The following EDNRA variants were observed in gnomAD, a reference collection of about 807,000 sequenced individuals.
EDNRA encodes endothelin-1 receptor.
A neutral mutation model predicts 41.4 loss-of-function variants in EDNRA; 11 were observed. The ratio of observed to expected loss-of-function variants is 0.27; its 90% CI spans 0.17 to 0.44. The LOEUF (loss-of-function observed/expected upper bound fraction) is 0.44, where lower values mean the gene tolerates loss of function less well. EDNRA is among the 20% of genes least tolerant of loss of function. EDNRA has a pLI of 1.00. For synonymous variants in EDNRA, 172 were observed against 183.0 expected (o/e 0.94, Z 0.49); for missense variants, 294 against 531.0 (o/e 0.55, Z 4.39).
At chr4:147,539,338 A>G (rs1731020926) in intron 5 of EDNRA, among the ~76,000 whole-genome samples, 1 of 151,932 alleles carries the variant, frequency 6.6e-6, no homozygotes, top group South Asian at 2.1e-4. Flanking sequence ...TGATTTGTCC[A>G]TGCAATATCA....
intron 2 of EDNRA, among the ~76,000 whole-genome samples, chr4:147,507,050 T>C (rs1420070063): frequency 6.6e-6 from 1 of 152,200 alleles, no homozygotes; most frequent in African/African-American, 2.4e-5. Flanking sequence ...GCTTTTAGCA[T>C]GTAAAATTAG....
intron 5 of EDNRA, 72 bp from the exon 6 acceptor site, chr4:147,539,745 G>A (rs1009297454): frequency 1.3e-6 from 2 of 1,508,048 alleles, no homozygotes; most frequent in Non-Finnish European, 1.8e-6. Flanking sequence ...GCTACTTCTT[G>A]GTACTGTAGT....
At chr4:147,511,912 A>G (rs1729941384) in intron 2 of EDNRA, among the ~76,000 whole-genome samples, 1 of 152,192 alleles carries the variant, frequency 6.6e-6, no homozygotes, top group Non-Finnish European at 1.5e-5. Context: ...CTGTGCTTGT[A>G]TGTTTTTATG....
intron 5 of EDNRA, among the ~76,000 whole-genome samples, chr4:147,536,307 G>A (rs10305919): frequency 0.34 from 51,621 of 151,868 alleles, 10,428 homozygotes; most frequent in African/African-American, 0.57. Flanking sequence ...GTGAGTTCGT[G>A]CATTCAATTG....
In EDNRA at chr4:147,523,484, T is replaced by TTG. The variant is rs1560910724; in HGVS notation, c.548+3507_548+3508insGT. Among the ~76,000 whole-genome samples, 7 of 116,992 alleles carry TTG rather than the reference T, an allele frequency of 6.0e-5. 1 individual carries two copies. Among genetic ancestry groups the TTG allele is most frequent in the African/African-American group, 1.4e-4 (3 of 21,156 alleles). The allele number at this position is 116,992 out of a possible 152,430, so 76.8% of individuals were successfully genotyped here. A position where few individuals can be genotyped will look rare whatever the true frequency, so the allele number is the denominator to read the frequency against. On this transcript the variant is annotated intron_variant, in intron 3 of 7. Transcript: ENST00000651419. ...TTGTTTTTTTTTGTTGTTGTTGTTTTTTTGTTTTTTTTGTTTTTTTTTTTG... is the reference window on the plus strand; with the variant it reads ...TTGTTTTTTTTTGTTGTTGTTGTTTTTGTTTGTTTTTTTTGTTTTTTTTTTTG...
At chr4:147,526,273 C>T (rs980943626) in intron 3 of EDNRA, among the ~76,000 whole-genome samples, 10 of 152,228 alleles carry the variant, frequency 6.6e-5, no homozygotes, top group African/African-American at 2.4e-4. Context: ...AGAACAACAA[C>T]CGTTTTATCA....
In EDNRA at chr4:147,542,640, G is replaced by A. The variant is rs1173321145; in HGVS notation, c.*22G>A. 2 of 1,612,048 alleles carry A rather than the reference G, an allele frequency of 1.2e-6. No homozygotes were observed. Among genetic ancestry groups the A allele is most frequent in the African/African-American group, 1.3e-5 (1 of 74,832 alleles). ...CTGACCACCCTTAGAAGCACTCCTC[G>A]GTACTCCCATAATCCTCTCGGAGAA... On this transcript the variant is annotated 3_prime_UTR_variant, in exon 8 of 8. Transcript: ENST00000651419.
Position 147,544,182 on chromosome 4 carries a change from G to A in EDNRA, c.*1564G>A, listed in dbSNP as rs184899836. Reference sequence around the variant, plus strand: ...TAAAATCTAGGTGATTGTTCATCATGACAACCTGCCTCAGTCCATTTTAAC... The same window carrying A: ...TAAAATCTAGGTGATTGTTCATCATAACAACCTGCCTCAGTCCATTTTAAC... On this transcript the variant is annotated 3_prime_UTR_variant, in exon 8 of 8. Coordinates refer to ENST00000651419, the MANE Select transcript of EDNRA (RefSeq NM_001957.4). 358 of 152,726 alleles carry A rather than the reference G, an allele frequency of 2.3e-3. 7 individuals carry two copies. Among genetic ancestry groups the A allele is most frequent in the Non-Finnish European group, 8.8e-4 (60 of 68,016 alleles). 9.5% of individuals were successfully genotyped at this position (152,726 alleles called of 1,614,324 possible).
At chr4:147,536,149 G>T in intron 5 of EDNRA, 120 bp downstream of exon 5, 1 of 1,200,304 alleles carries the variant, frequency 8.3e-7, no homozygotes. Flanking sequence ...ATACTATCCT[G>T]TAACTGTTTT....
chr4:147,508,331 G>T (rs139452637), intron 2 of EDNRA, among the ~76,000 whole-genome samples: 18,147 of 152,022 alleles, frequency 0.12, 1,119 homozygotes, highest in South Asian at 0.25. Flanking sequence ...TAGAAACGGG[G>T]TTTCGCCATG....
rs148596809 is a variant in EDNRA, at chr4:147,505,627, C to A, written c.421-14224C>A. ...ATAGTGCTGTGATTACAGGCGTAAG[C>A]CACCCTGCCCCGCCGGCAGTTTTTT... On this transcript the variant is annotated intron_variant, in intron 2 of 7. Coordinates refer to ENST00000651419, the MANE Select transcript of EDNRA (RefSeq NM_001957.4). Among the ~76,000 whole-genome samples, 65 of 149,684 alleles carry A rather than the reference C, an allele frequency of 4.3e-4. 1 individual carries two copies. The highest frequency in any genetic ancestry group is 1.4e-3 in the African/African-American group (56 of 40,630).
At chr4:147,505,891 G>T (rs865851131) in intron 2 of EDNRA, among the ~76,000 whole-genome samples, 1 of 151,690 alleles carries the variant, frequency 6.6e-6, no homozygotes, top group African/African-American at 2.4e-5. Context: ...CAGGAGATCC[G>T]CCCGCCTTGG....
rs1353902678 is a variant in EDNRA, at chr4:147,485,873, A to C, written c.192A>C (p.Ser64=). The part of the protein sequence containing the change: ...PTNLVLPSNG[S]MHNYCPQQTK... Reference sequence around the variant, plus strand: ...ATTTGGTCCTACCCAGCAATGGCTCAATGCACAACTATTGCCCACAGCAGA... The same window carrying C: ...ATTTGGTCCTACCCAGCAATGGCTCCATGCACAACTATTGCCCACAGCAGA... Residue 64 remains serine, a synonymous_variant, in exon 2 of 8, where the codon TCA becomes TCC. Transcript: ENST00000651419. The C allele has an allele frequency of 6.2e-7, 1 of 1,614,148 alleles. No homozygotes were observed. The highest frequency in any genetic ancestry group is 8.5e-7 in the Non-Finnish European group (1 of 1,180,058).
intron 6 of EDNRA, 47 bp downstream of exon 6, chr4:147,539,997 C>T (rs767184443): frequency 1.3e-6 from 2 of 1,546,612 alleles, no homozygotes; most frequent in Non-Finnish European, 1.7e-6. Flanking sequence ...CTCAGATTTT[C>T]ATATTTATAA....
chr4:147,543,627 T>C lies in EDNRA; in HGVS notation c.*1009T>C, dbSNP rs1487814440. 6.6e-6 allele frequency: 1 copy of C among 152,260 alleles called. No individual in the cohort carries two copies. The highest frequency in any genetic ancestry group is 2.4e-5 in the African/African-American group (1 of 41,466). 9.4% of individuals were successfully genotyped at this position (152,260 alleles called of 1,614,324 possible). A position where few individuals can be genotyped will look rare whatever the true frequency, so the allele number is the denominator to read the frequency against. On this transcript the variant is annotated 3_prime_UTR_variant, in exon 8 of 8. Transcript: ENST00000651419. ...AATTTTTCAGATGATTCAGAAATTT[T>C]CATTCAGGTATTTGTAATAGTGACA...
rs1390396461 is a variant in EDNRA at position 147,500,474 on chromosome 4, T to C, written c.420+14373T>C. On this transcript the variant is annotated intron_variant, in intron 2 of 7. Coordinates refer to ENST00000651419, the MANE Select transcript of EDNRA (RefSeq NM_001957.4). The stretch of plus-strand genomic sequence containing the variant: ...GATTCACACCTGTAATCCCAGCACA[T>C]TGGGAGGCCAAGGCCAGAGGCTCAT... Among the ~76,000 whole-genome samples, 3 of 152,180 alleles carry C rather than the reference T, an allele frequency of 2.0e-5. No homozygotes were observed. The East Asian group carries it at 5.8e-4, about 29-fold the overall frequency.
intron 4 of EDNRA, among the ~76,000 whole-genome samples, chr4:147,534,950 G>A (rs1324878833): frequency 1.3e-5 from 2 of 152,094 alleles, no homozygotes; most frequent in African/African-American, 4.8e-5. Context: ...TATAAATGCA[G>A]CCTTCTTAGC....
At chr4:147,527,934 AG>A (rs1402681969) in intron 3 of EDNRA, among the ~76,000 whole-genome samples, 1 of 152,206 alleles carries the variant, frequency 6.6e-6, no homozygotes, top group East Asian at 1.9e-4. Context: ...TGGGGCAGAA[AG>A]ATCAGCCCAT....
chr4:147,483,046 C>G (rs1728826458), intron 1 of EDNRA, among the ~76,000 whole-genome samples: 1 of 152,166 alleles, frequency 6.6e-6, no homozygotes, highest in South Asian at 2.1e-4. Flanking sequence ...ATTTCTTCTC[C>G]CCCCTGTATC....
Sources: allele counts gnomAD v4.1 joint callset (sites outside exome capture counted in the v4.1 genomes callset), GRCh38; gene constraint gnomAD v4.1.1; transcripts MANE v1.5; gene names NCBI Gene and HGNC (gene_info 2026-07-23, HGNC 2026-07-21).